Variants in THRAP3 observed in about 807,000 individuals in gnomAD.
The protein encoded by THRAP3 is thyroid hormone receptor-associated protein 3.
A neutral mutation model predicts 101.0 loss-of-function variants in THRAP3; 16 were observed. The ratio of observed to expected loss-of-function variants is 0.16; its 90% CI spans 0.11 to 0.24. The LOEUF (loss-of-function observed/expected upper bound fraction) is 0.24. Among genes scored for constraint, THRAP3 ranks in the 10% least tolerant of loss-of-function variants. The pLI is 1.00. For missense variants in THRAP3, 989 were observed against 1,202.7 expected, an observed-to-expected ratio of 0.82 and a Z score of 2.63; for synonymous variants, 407 against 422.6, an observed-to-expected ratio of 0.96 and a Z score of 0.45.
Position 36,305,045 on chromosome 1 carries a change from G to C in THRAP3, c.*1028G>C, listed in dbSNP as rs1374921251. 2.4e-5 allele frequency: 5 copies of C among 205,712 alleles called. No homozygotes were observed. The highest frequency in any genetic ancestry group is 1.9e-4 in the South Asian group (1 of 5,282). 12.7% of individuals were successfully genotyped at this position (205,712 alleles called of 1,614,324 possible). On this transcript the variant is annotated 3_prime_UTR_variant, in exon 12 of 12. Coordinates refer to ENST00000354618, the MANE Select transcript of THRAP3 (RefSeq NM_005119.4). ...GTCTTTTTAACCTTAAGCTGTTTAA[G>C]TTGAAGCATTCTCAGATGTTTGGGG...
the THRAP3 span, among the ~76,000 whole-genome samples, chr1:36,211,084 G>A: frequency 3.3e-5 from 5 of 151,354 alleles, no homozygotes; most frequent in East Asian, 2.0e-4. Flanking sequence ...ATAGTGGTAC[G>A]CTCCTGTAAT....
intron 1 of THRAP3, among the ~76,000 whole-genome samples, chr1:36,229,768 T>G (rs1283703454): frequency 1.3e-5 from 2 of 152,024 alleles, no homozygotes; most frequent in South Asian, 2.1e-4. Context: ...TTCTCCTGCC[T>G]CAGCCTCCCG....
rs543579250 is a variant in THRAP3, at chr1:36,282,802, T to TG, written c.137+108dup. 5.1e-3 allele frequency: 7,061 copies of TG among 1,381,200 alleles called. 40 individuals are homozygous for TG. Among genetic ancestry groups the TG allele is most frequent in the Non-Finnish European group, 6.0e-3 (5,873 of 982,986 alleles). 85.6% of individuals were successfully genotyped at this position (1,381,200 alleles called of 1,614,324 possible). A position where few individuals can be genotyped will look rare whatever the true frequency, so the allele number is the denominator to read the frequency against. ...CTTTTCCTGTGAGTGTCAAATGGAC[T>TG]GGGGGGTTGGCTTGAGGTGCAGGGT... On this transcript the variant is annotated intron_variant, in intron 3 of 11. Transcript: ENST00000354618.
At chr1:36,250,300 G>A (rs749331694) in intron 1 of THRAP3, among the ~76,000 whole-genome samples, 7 of 149,046 alleles carry the variant, frequency 4.7e-5, no homozygotes, top group African/African-American at 1.2e-4. Context: ...TGCAACCTCC[G>A]CCTCCCGGGT....
chr1:36,289,968 A>G (rs1645845081), intron 5 of THRAP3, among the ~76,000 whole-genome samples: 1 of 152,104 alleles, frequency 6.6e-6, no homozygotes, highest in African/African-American at 2.4e-5. Context: ...CCCTGGGGTG[A>G]TGAAGTATCT....
intron 8 of THRAP3, among the ~76,000 whole-genome samples, chr1:36,294,600 CAG>C (rs1341407866): frequency 6.6e-6 from 1 of 152,148 alleles, no homozygotes; most frequent in Non-Finnish European, 1.5e-5. Flanking sequence ...TTTAAAATAA[CAG>C]ATGGTTATTC....
upstream of THRAP3, among the ~76,000 whole-genome samples, chr1:36,224,145 GGT>G (rs1447611837): frequency 6.6e-6 from 1 of 152,232 alleles, no homozygotes; most frequent in Non-Finnish European, 1.5e-5. Context: ...GTTCCAAAAT[GGT>G]GGGGGCAGTG....
intron 1 of THRAP3, among the ~76,000 whole-genome samples, chr1:36,249,773 G>T (rs1301855518): frequency 6.6e-6 from 1 of 151,176 alleles, no homozygotes; most frequent in Admixed American, 6.6e-5. Context: ...ATTCAAGGCA[G>T]TGGGACGAGC....
chr1:36,262,138 A>C (rs1456124957), intron 2 of THRAP3, among the ~76,000 whole-genome samples: 1 of 152,254 alleles, frequency 6.6e-6, no homozygotes, highest in Non-Finnish European at 1.5e-5. Flanking sequence ...CAATATATCC[A>C]GTACATTCTT....
intron 1 of THRAP3, among the ~76,000 whole-genome samples, chr1:36,246,668 C>G (rs1245940472): frequency 2.0e-5 from 3 of 152,022 alleles, no homozygotes; most frequent in East Asian, 3.9e-4. Flanking sequence ...TGGTGAAACC[C>G]TGTCTCTACT....
intron 2 of THRAP3, among the ~76,000 whole-genome samples, chr1:36,278,883 A>G (rs1645696683): frequency 6.6e-6 from 1 of 152,114 alleles, no homozygotes; most frequent in South Asian, 2.1e-4. Context: ...AGATCATGCC[A>G]TTGCACTCTA....
chr1:36,246,260 A>G (rs538356798), intron 1 of THRAP3, among the ~76,000 whole-genome samples: 23 of 152,316 alleles, frequency 1.5e-4, no homozygotes, highest in Non-Finnish European at 2.9e-4. Flanking sequence ...AGGAATATGT[A>G]TAGAGTAAGA....
chr1:36,243,220 G>A (rs1350426335), intron 1 of THRAP3, among the ~76,000 whole-genome samples: 1 of 66,896 alleles, frequency 1.5e-5, no homozygotes, highest in Non-Finnish European at 3.0e-5. Flanking sequence ...TATTTTTATT[G>A]ATCATTCTTG....
At chr1:36,296,049 C>CT (rs1645947127) in intron 8 of THRAP3, among the ~76,000 whole-genome samples, 1 of 143,150 alleles carries the variant, frequency 7.0e-6, no homozygotes. Flanking sequence ...TCTCAGCTCA[C>CT]TGCAACCTCC....
intron 1 of THRAP3, among the ~76,000 whole-genome samples, chr1:36,237,185 G>A (rs899722872): frequency 1.3e-5 from 2 of 151,598 alleles, no homozygotes; most frequent in African/African-American, 4.8e-5. Context: ...AGCTAGGTAG[G>A]GGCCGGGCAT....
the THRAP3 span, among the ~76,000 whole-genome samples, chr1:36,214,042 GAAAGAAAGA>G: frequency 9.3e-4 from 126 of 135,616 alleles, 1 homozygote; most frequent in Admixed American, 2.6e-3. Context: ...AAGAAAGAAA[GAAAGAAAGA>G]AAGAAAGAAA....
At chr1:36,213,366 G>A in the THRAP3 span, among the ~76,000 whole-genome samples, 2 of 152,096 alleles carry the variant, frequency 1.3e-5, no homozygotes, top group East Asian at 3.9e-4. Context: ...TTTGGCCCAG[G>A]CACTGTTCTA....
At chr1:36,288,297 C>T in intron 4 of THRAP3, 2 of 828,428 alleles carry the variant, frequency 2.4e-6, no homozygotes, top group Non-Finnish European at 2.9e-6. Flanking sequence ...AGTTTTTTAT[C>T]CTTGCCCCCT....
chr1:36,238,697 G>A (rs991665669), intron 1 of THRAP3, among the ~76,000 whole-genome samples: 1 of 151,986 alleles, frequency 6.6e-6, no homozygotes, highest in Non-Finnish European at 1.5e-5. Flanking sequence ...TGAGCTTTTC[G>A]GGCTTTTGTT....
Sources: gnomAD v4.1 joint callset for allele counts (sites outside exome capture counted in the v4.1 genomes callset) on GRCh38, gnomAD v4.1.1 for gene constraint, MANE v1.5 for transcripts, NCBI Gene and HGNC (gene_info 2026-07-23, HGNC 2026-07-21) for gene names.